FNDC1: variants seen among roughly 807,000 people sequenced by gnomAD.
FNDC1 encodes fibronectin type III domain-containing protein 1.
FNDC1 carries 96 observed loss-of-function variants against 168.0 expected under a neutral mutation model. The observed-to-expected ratio is 0.57, with a 90% confidence interval of 0.48 to 0.68. FNDC1 has a LOEUF of 0.68. Among genes scored for constraint, FNDC1 ranks in the 30% least tolerant of loss-of-function variants. FNDC1 has a pLI of 0.00. For synonymous variants in FNDC1, 1,099 were observed against 1,025.9 expected, an observed-to-expected ratio of 1.07 and a Z score of -1.36; for missense variants, 2,587 against 2,482.1, an observed-to-expected ratio of 1.04 and a Z score of -0.90.
chr6:159,249,268 C>CAA, intron 16 of FNDC1, 86 bp downstream of exon 16: 2 of 1,329,304 alleles, frequency 1.5e-6, no homozygotes, highest in Non-Finnish European at 2.0e-6. Context: ...TTGGCCTCGC[C>CAA]AAGGCAGTGC....
intron 4 of FNDC1, among the ~76,000 whole-genome samples, chr6:159,207,155 G>C (rs879398252): frequency 6.6e-6 from 1 of 152,314 alleles, no homozygotes; most frequent in Non-Finnish European, 1.5e-5. Flanking sequence ...GAGCTAGCTG[G>C]CCAGAAAAGA....
intron 4 of FNDC1, among the ~76,000 whole-genome samples, chr6:159,208,844 ATTTTTT>A (rs369408600): frequency 7.8e-6 from 1 of 128,102 alleles, no homozygotes; most frequent in African/African-American, 3.1e-5. Context: ...GTTATTTTTA[ATTTTTT>A]TTTTTTTTTT....
chr6:159,260,571 A>G (rs1364945046), intron 18 of FNDC1, among the ~76,000 whole-genome samples: 1 of 152,144 alleles, frequency 6.6e-6, no homozygotes, highest in Admixed American at 6.5e-5. Context: ...TCCCAGCTCC[A>G]GAGCCAACCA....
intron 14 of FNDC1, among the ~76,000 whole-genome samples, chr6:159,246,098 CT>C (rs1401042265): frequency 6.6e-6 from 1 of 152,198 alleles, no homozygotes; most frequent in Admixed American, 6.5e-5. Context: ...GGTTTCCTGG[CT>C]TTTCCAAAAA....
chr6:159,232,717 C>A lies in FNDC1; in HGVS notation c.2205C>A (p.His735Gln). The change falls in exon 11 of 23, where the codon CAC (histidine) becomes CAA (glutamine). Residue 735 changes from histidine to glutamine, a missense_variant. Physicochemically the swap from His to Gln is conservative, Grantham distance 24. Coordinates refer to ENST00000297267, the MANE Select transcript of FNDC1 (RefSeq NM_032532.3). The surrounding 1 kb of genome is among the most constrained non-coding windows in gnomAD (Gnocchi z 4.9). Reference protein sequence around the residue: ...GSSRLLPTQPHLSSPLSKGGK... With the variant: ...GSSRLLPTQPQLSSPLSKGGK... ...CTCGGCTGCTGCCCACCCAGCCACA[C>A]CTGAGCTCTCCACTTTCCAAGGGCG... 6.2e-7 allele frequency: 1 copy of A among 1,613,920 alleles called. No individual in the cohort carries two copies. The highest frequency in any genetic ancestry group is 8.5e-7 in the Non-Finnish European group (1 of 1,179,876).
At position 159,251,410 on chromosome 6, in the gene FNDC1, T is replaced by A; in HGVS notation, c.4943T>A (p.Leu1648Gln). Residue 1648 changes from leucine to glutamine, a missense_variant, in exon 17 of 23, where the codon CTG (leucine) becomes CAG (glutamine). Physicochemically the swap from Leu to Gln is moderately radical, Grantham distance 113. Coordinates refer to ENST00000297267, the MANE Select transcript of FNDC1 (RefSeq NM_032532.3). ...CTGGATGAAATCATCCCCAATGACC[T>A]GAAGAAGAGTGACCTGCCTCCCCAG... is the stretch of plus-strand genomic sequence containing the variant. ...DSLDEIIPND[L>Q]KKSDLPPQHA... The A allele has an allele frequency of 6.2e-7, 1 of 1,613,926 alleles. No individual in the cohort carries two copies. Among genetic ancestry groups the A allele is most frequent in the South Asian group, 1.1e-5 (1 of 91,048 alleles).
chr6:159,245,266 G>A (rs1783515869), intron 14 of FNDC1, among the ~76,000 whole-genome samples: 1 of 152,126 alleles, frequency 6.6e-6, no homozygotes, highest in African/African-American at 2.4e-5. Context: ...CATATCAGCT[G>A]AGAAGTGGGT....
intron 2 of FNDC1, among the ~76,000 whole-genome samples, chr6:159,198,218 T>C (rs1782292503): frequency 6.6e-6 from 1 of 152,248 alleles, no homozygotes; most frequent in South Asian, 2.1e-4. Flanking sequence ...GAATCCTCTG[T>C]CTTCTATTTT....
intron 1 of FNDC1, among the ~76,000 whole-genome samples, chr6:159,181,857 G>A (rs2114925033): frequency 6.6e-6 from 1 of 152,262 alleles, no homozygotes; most frequent in Non-Finnish European, 1.5e-5. Context: ...ACAGTCCATG[G>A]GCCGTGGATC....
At chr6:159,212,208 T>C (rs980641337) in intron 4 of FNDC1, among the ~76,000 whole-genome samples, 1 of 152,316 alleles carries the variant, frequency 6.6e-6, no homozygotes, top group East Asian at 1.9e-4. Flanking sequence ...CCAACAGCAG[T>C]TGAGGGAATG....
Position 159,225,652 on chromosome 6 carries a change from A to G in FNDC1, c.1002A>G (p.Ala334=), listed in dbSNP as rs776173868. The G allele has an allele frequency of 6.2e-7, 1 of 1,614,008 alleles. No homozygotes were observed. The change falls in exon 8 of 23, where the codon GCA becomes GCG. Residue 334 remains alanine, a synonymous_variant. Transcript: ENST00000297267. ...TTCCAGACACTGTGTATGAATTTGCAGTCCGTATTTCACAGGGTGAAAGAG... is the reference window on the plus strand; with the variant it reads ...TTCCAGACACTGTGTATGAATTTGCGGTCCGTATTTCACAGGGTGAAAGAG... ...NLIPDTVYEF[A]VRISQGERDG...
chr6:159,233,551 C>A lies in FNDC1; in HGVS notation c.3039C>A (p.Ser1013=). ...QQQPPPPVAT[S]QHHPGPQSRD... ...AGCCCCCTCCTCCCGTCGCCACGTCCCAGCACCACCCGGGACCCCAGAGCA... is the reference window on the plus strand; with the variant it reads ...AGCCCCCTCCTCCCGTCGCCACGTCACAGCACCACCCGGGACCCCAGAGCA... Residue 1013 remains serine (S), a synonymous_variant, in exon 11 of 23, where the codon TCC becomes TCA. Coordinates refer to ENST00000297267, the MANE Select transcript of FNDC1 (RefSeq NM_032532.3). The surrounding 1 kb of genome is among the most constrained non-coding windows in gnomAD (Gnocchi z 4.6). 6.3e-7 allele frequency: 1 copy of A among 1,593,398 alleles called. No homozygotes were observed. The highest frequency in any genetic ancestry group is 8.5e-7 in the Non-Finnish European group (1 of 1,173,462).
chr6:159,207,108 C>G (rs763094687), intron 4 of FNDC1, among the ~76,000 whole-genome samples: 42 of 152,308 alleles, frequency 2.8e-4, no homozygotes, highest in East Asian at 7.7e-4. Context: ...GGCACCCCCC[C>G]ACCCCAGCAG....
At chr6:159,210,660 C>T (rs755609742) in intron 4 of FNDC1, among the ~76,000 whole-genome samples, 4 of 152,144 alleles carry the variant, frequency 2.6e-5, no homozygotes, top group East Asian at 3.8e-4. Flanking sequence ...ACAGGAAGAA[C>T]GAGCCTGTGG....
Position 159,226,288 on chromosome 6 carries a change from T to C in FNDC1, c.1073-185T>C, listed in dbSNP as rs1193843401. Among the ~76,000 whole-genome samples the C allele has an allele frequency of 2.0e-5, 3 of 152,216 alleles. No individual in the cohort carries two copies. The East Asian group carries it at 5.8e-4, about 29-fold the overall frequency. ...ATAGGTCTAAACTCACTAAATGAAC[T>C]GTTGTAGTGACATAAATCACTATAT... is the stretch of plus-strand genomic sequence containing the variant. On this transcript the variant is annotated intron_variant, in intron 8 of 22. Transcript: ENST00000297267.
intron 1 of FNDC1, among the ~76,000 whole-genome samples, chr6:159,194,462 G>A (rs1782202824): frequency 1.3e-5 from 2 of 152,178 alleles, no homozygotes; most frequent in Non-Finnish European, 2.9e-5. Flanking sequence ...CCAGCAGAGA[G>A]GATGGTCTGT....
chr6:159,194,057 A>G (rs1328303371), intron 1 of FNDC1, among the ~76,000 whole-genome samples: 1 of 152,244 alleles, frequency 6.6e-6, no homozygotes, highest in East Asian at 1.9e-4. Flanking sequence ...TTGGAGTCAT[A>G]GCAGGCTCTT....
intron 4 of FNDC1, among the ~76,000 whole-genome samples, chr6:159,204,862 C>T (rs1431871861): frequency 6.6e-6 from 1 of 152,224 alleles, no homozygotes; most frequent in Admixed American, 6.5e-5. Context: ...TCCAAAATGT[C>T]ACCACTGTGC....
At chr6:159,208,844 A>T (rs1020709428) in intron 4 of FNDC1, among the ~76,000 whole-genome samples, 1 of 128,080 alleles carries the variant, frequency 7.8e-6, no homozygotes, top group Non-Finnish European at 1.6e-5. Context: ...GTTATTTTTA[A>T]TTTTTTTTTT....
Sources: allele counts gnomAD v4.1 joint callset (sites outside exome capture counted in the v4.1 genomes callset), GRCh38; gene constraint gnomAD v4.1.1; non-coding constraint Gnocchi (gnomAD v3.1); transcripts MANE v1.5; gene names NCBI Gene and HGNC (gene_info 2026-07-23, HGNC 2026-07-21).